Variants in PAPSS2 observed in about 807,000 individuals in gnomAD.
PAPSS2 encodes the protein bifunctional 3'-phosphoadenosine 5'-phosphosulfate synthase 2.
PAPSS2 carries 61 observed loss-of-function variants against 66.5 expected under a neutral mutation model. The observed-to-expected ratio is 0.92, with a 90% CI of 0.75 to 1.14. The LOEUF (loss-of-function observed/expected upper bound fraction) is 1.14. Ranked by LOEUF, PAPSS2 falls within the 50% of genes most tolerant of loss-of-function variation. The probability of loss-of-function intolerance (pLI) is 0.00; values close to 1 mark genes in which losing one functional copy is unlikely to be tolerated. For synonymous variants in PAPSS2, 289 were observed against 287.5 expected, an observed-to-expected ratio of 1.01 and a Z score of -0.05; for missense variants, 708 against 789.6, an observed-to-expected ratio of 0.90 and a Z score of 1.24.
intron 1 of PAPSS2, among the ~76,000 whole-genome samples, chr10:87,676,582 A>G (rs958502116): frequency 7.2e-5 from 11 of 152,218 alleles, no homozygotes; most frequent in African/African-American, 2.4e-4. Context: ...ACACAAGCTA[A>G]TAGATTGCCT....
intron 12 of PAPSS2, 63 bp downstream of exon 12, chr10:87,745,294 T>A: frequency 1.5e-6 from 2 of 1,377,200 alleles, no homozygotes; most frequent in East Asian, 5.0e-5. Context: ...GAGGCAGAAT[T>A]TGGGCCCTTT....
Position 87,680,026 on chromosome 10 carries a change from C to CAAA in PAPSS2, c.27+20033_27+20035dup, listed in dbSNP as rs58787148. Among the ~76,000 whole-genome samples the CAAA allele has an allele frequency of 8.2e-3, 1,044 of 126,690 alleles. 14 individuals are homozygous for CAAA. Among genetic ancestry groups the CAAA allele is most frequent in the African/African-American group, 0.028 (980 of 34,544 alleles). The allele number at this position is 126,690 out of a possible 152,430, so 83.1% of individuals were successfully genotyped here. ...CCTGAGCAACAGTGAGAACCTATCT[C>CAAA]AAAAAAAAAAAAAAAAAGTCACTCT... On this transcript the variant is annotated intron_variant, in intron 1 of 12. Transcript: ENST00000456849.
At chr10:87,680,759 C>T (rs1853009620) in intron 1 of PAPSS2, among the ~76,000 whole-genome samples, 2 of 152,038 alleles carry the variant, frequency 1.3e-5, no homozygotes, top group African/African-American at 4.8e-5. Flanking sequence ...CTACCTGAAT[C>T]CCACAAATGC....
intron 8 of PAPSS2, among the ~76,000 whole-genome samples, chr10:87,722,326 C>A (rs1320496078): frequency 1.3e-5 from 2 of 152,194 alleles, no homozygotes; most frequent in African/African-American, 2.4e-5. Flanking sequence ...TAAACTTCTG[C>A]ATTGTACAAG....
chr10:87,715,172 C>T, intron 6 of PAPSS2, 74 bp downstream of exon 6: 1 of 821,838 alleles, frequency 1.2e-6, no homozygotes. Flanking sequence ...TTACTCTTAA[C>T]AATAAGAAAA....
chr10:87,660,564 C>T (rs1045426493), intron 1 of PAPSS2, among the ~76,000 whole-genome samples: 1 of 151,998 alleles, frequency 6.6e-6, no homozygotes, highest in Non-Finnish European at 1.5e-5. Context: ...CATTGGGTGG[C>T]ATCTCGAGTT....
intron 1 of PAPSS2, among the ~76,000 whole-genome samples, chr10:87,690,845 A>T (rs1288744162): frequency 6.6e-6 from 1 of 152,194 alleles, no homozygotes; most frequent in Non-Finnish European, 1.5e-5. Context: ...CAATCATTTT[A>T]TAAGTGAAGG....
chr10:87,685,393 T>G (rs975673659), intron 1 of PAPSS2, among the ~76,000 whole-genome samples: 26 of 152,216 alleles, frequency 1.7e-4, no homozygotes, highest in African/African-American at 6.0e-4. Context: ...TTTTATGTTT[T>G]TTAGAAAATT....
intron 7 of PAPSS2, among the ~76,000 whole-genome samples, chr10:87,717,124 G>A (rs3781189): frequency 0.33 from 50,151 of 151,958 alleles, 9,044 homozygotes; most frequent in South Asian, 0.49. Context: ...AATCTACAAG[G>A]CCTGATGGTC....
Position 87,741,265 on chromosome 10 carries a change from G to A in PAPSS2, c.1117G>A (p.Gly373Ser), listed in dbSNP as rs1485549246. 3.1e-6 allele frequency: 5 copies of A among 1,613,604 alleles called. No homozygotes were observed. Among genetic ancestry groups the A allele is most frequent in the Non-Finnish European group, 4.2e-6 (5 of 1,179,590 alleles). The stretch of plus-strand genomic sequence containing the variant: ...GATGGAAAGTGGGGACTGGCTGGTT[G>A]GTGGAGACCTTCAGGTGCTGGAGAA... ...MVMESGDWLVGGDLQVLEKIR... is the reference protein window; with the variant it reads ...MVMESGDWLVSGDLQVLEKIR... Residue 373 changes from glycine to serine, a missense_variant, in exon 10 of 13, where the codon GGT (glycine) becomes AGT (serine). By Grantham distance (56) the Gly-to-Ser change is moderately conservative (BLOSUM62 0). Coordinates refer to ENST00000456849, the MANE Select transcript of PAPSS2 (RefSeq NM_001015880.2).
At chr10:87,729,191 A>G (rs1054763178) in intron 9 of PAPSS2, among the ~76,000 whole-genome samples, 5 of 150,994 alleles carry the variant, frequency 3.3e-5, no homozygotes, top group Non-Finnish European at 7.4e-5. Context: ...ACCTCATTTT[A>G]CTATGCTTCA....
intron 1 of PAPSS2, among the ~76,000 whole-genome samples, chr10:87,672,026 A>C (rs1431422639): frequency 6.6e-6 from 1 of 152,218 alleles, no homozygotes; most frequent in Non-Finnish European, 1.5e-5. Context: ...CATCATGCTC[A>C]TCAAGACTTA....
In PAPSS2 at chr10:87,743,463, G is replaced by T; in HGVS notation, c.1313G>T (p.Gly438Val). The change falls in exon 11 of 13, where the codon GGC (glycine) becomes GTC (valine). Residue 438 changes from glycine to valine, a missense_variant. Coordinates refer to ENST00000456849, the MANE Select transcript of PAPSS2 (RefSeq NM_001015880.2). ...QDTRRRLLER[G>V]YKHPVLLLHP... ...ACTCGCCGCAGGCTCCTAGAGAGGG[G>T]CTACAAGCACCCGGTCCTCCTACTA... The T allele has an allele frequency of 6.2e-7, 1 of 1,614,152 alleles. No homozygotes were observed. Among genetic ancestry groups the T allele is most frequent in the South Asian group, 1.1e-5 (1 of 91,084 alleles).
intron 1 of PAPSS2, among the ~76,000 whole-genome samples, chr10:87,682,488 C>T (rs1036632368): frequency 6.6e-6 from 1 of 152,156 alleles, no homozygotes; most frequent in Non-Finnish European, 1.5e-5. Flanking sequence ...GTTGTTCTCC[C>T]TTCTTGAATT....
chr10:87,730,576 C>T (rs533266015), intron 9 of PAPSS2, among the ~76,000 whole-genome samples: 2 of 152,190 alleles, frequency 1.3e-5, no homozygotes, highest in Non-Finnish European at 2.9e-5. Context: ...ATTTTCTCTT[C>T]AAATGCAAAT....
intron 1 of PAPSS2, among the ~76,000 whole-genome samples, chr10:87,690,029 A>G (rs1853149664): frequency 6.6e-6 from 1 of 152,220 alleles, no homozygotes; most frequent in South Asian, 2.1e-4. Context: ...TATAATGGAC[A>G]ATTTAGTTAT....
At chr10:87,675,559 T>C (rs1852933581) in intron 1 of PAPSS2, among the ~76,000 whole-genome samples, 3 of 152,224 alleles carry the variant, frequency 2.0e-5, no homozygotes, top group South Asian at 4.1e-4. Context: ...AATTTCATGC[T>C]AATAGGTTGC....
chr10:87,701,088 A>G (rs1364928835), intron 1 of PAPSS2, among the ~76,000 whole-genome samples: 1 of 151,666 alleles, frequency 6.6e-6, no homozygotes, highest in Non-Finnish European at 1.5e-5. Context: ...TATAATAGAT[A>G]TAATGTGATA....
intron 1 of PAPSS2, among the ~76,000 whole-genome samples, chr10:87,667,761 C>T (rs1852831553): frequency 6.6e-6 from 1 of 152,168 alleles, no homozygotes; most frequent in African/African-American, 2.4e-5. Context: ...GCAATAAATG[C>T]ATATAGCCTG....
Sources: allele counts gnomAD v4.1 joint callset (sites outside exome capture counted in the v4.1 genomes callset), GRCh38; gene constraint gnomAD v4.1.1; transcripts MANE v1.5; gene names NCBI Gene and HGNC (gene_info 2026-07-23, HGNC 2026-07-21).